The following SGK1 variants were observed in gnomAD, a reference collection of about 807,000 sequenced individuals.
SGK1 encodes serum/glucocorticoid regulated kinase 1.
Under a neutral mutation model 64.2 loss-of-function variants are expected in SGK1, and 26 were observed. The observed-to-expected ratio is 0.40, with a 90% CI of 0.30 to 0.56. The LOEUF is 0.56. Among genes scored for constraint, SGK1 ranks in the 20% least tolerant of loss-of-function variants. The pLI is 0.38. For synonymous variants in SGK1, 265 were observed against 239.7 expected (o/e 1.11, Z -0.98); for missense variants, 519 against 645.6 (o/e 0.80, Z 2.12).
chr6:134,218,142 G>T (rs1187647124), intron 2 of SGK1, among the ~76,000 whole-genome samples: 1 of 152,174 alleles, frequency 6.6e-6, no homozygotes, highest in African/African-American at 2.4e-5. Flanking sequence ...TTCCCCCCTT[G>T]CATTATGGTT....
chr6:134,238,883 G>A (rs1743940), intron 2 of SGK1, among the ~76,000 whole-genome samples: 115,580 of 152,150 alleles, frequency 0.76, 44,438 homozygotes, highest in South Asian at 0.91. Context: ...GAATTAGATC[G>A]TCTCAGACGG....
At chr6:134,222,489 C>A (rs1478474010) in intron 2 of SGK1, among the ~76,000 whole-genome samples, 5 of 152,076 alleles carry the variant, frequency 3.3e-5, no homozygotes, top group Non-Finnish European at 7.4e-5. Flanking sequence ...GCGCCCACCA[C>A]CACGCCTGGC....
intron 1 of SGK1, among the ~76,000 whole-genome samples, chr6:134,314,869 C>G (rs1452775255): frequency 6.7e-6 from 1 of 148,582 alleles, no homozygotes; most frequent in East Asian, 2.0e-4. Context: ...GTAAGACTGT[C>G]TAGCTAGGTT....
chr6:134,220,861 A>T (rs775501806), intron 2 of SGK1, among the ~76,000 whole-genome samples: 13 of 151,914 alleles, frequency 8.6e-5, no homozygotes, highest in Non-Finnish European at 1.6e-4. Context: ...CCACGCCTGT[A>T]GTTTCGGCTA....
At chr6:134,175,423 G>A (rs955098117) in intron 3 of SGK1, 42 of 1,309,702 alleles carry the variant, frequency 3.2e-5, no homozygotes, top group Non-Finnish European at 4.0e-5. Flanking sequence ...CGCCCGCCAG[G>A]TCCTCCCGTT....
chr6:134,308,281 G>A (rs770157346), intron 1 of SGK1, among the ~76,000 whole-genome samples: 13 of 152,110 alleles, frequency 8.5e-5, no homozygotes, highest in East Asian at 3.8e-4. Flanking sequence ...TACATATTCC[G>A]ATTTATTTTT....
chr6:134,172,604 G>T, intron 9 of SGK1, 58 bp downstream of exon 9: 3 of 1,119,796 alleles, frequency 2.7e-6, no homozygotes, highest in Non-Finnish European at 2.7e-6. Flanking sequence ...CTATGAAACA[G>T]CCAGTGCTAC....
At chr6:134,174,161 T>A in intron 4 of SGK1, 81 bp from the exon 5 acceptor site, 1 of 915,024 alleles carries the variant, frequency 1.1e-6, no homozygotes, top group Non-Finnish European at 1.7e-6. Flanking sequence ...TTTCTGGCTC[T>A]ACCGACTTCT....
At chr6:134,186,607 T>C (rs1316927938) in intron 3 of SGK1, among the ~76,000 whole-genome samples, 1 of 152,198 alleles carries the variant, frequency 6.6e-6, no homozygotes, top group African/African-American at 2.4e-5. Flanking sequence ...CCATTCTATA[T>C]TTCCTTTACC....
intron 1 of SGK1, among the ~76,000 whole-genome samples, chr6:134,313,738 T>G (rs1034024341): frequency 6.6e-6 from 1 of 152,144 alleles, no homozygotes; most frequent in African/African-American, 2.4e-5. Flanking sequence ...CCTTTCGAAT[T>G]TTACAAAAGG....
chr6:134,265,608 TTATATATATACATATATATATATACA>T (rs1489568264), intron 1 of SGK1, among the ~76,000 whole-genome samples: 1 of 140,866 alleles, frequency 7.1e-6, no homozygotes, highest in East Asian at 2.0e-4. Flanking sequence ...CATATATATT[TTATATATATACATATATATATATACA>T]TATATATATA....
At chr6:134,187,992 C>A (rs560920880) in intron 3 of SGK1, among the ~76,000 whole-genome samples, 1 of 152,308 alleles carries the variant, frequency 6.6e-6, no homozygotes, top group Admixed American at 6.5e-5. Flanking sequence ...GTGGCTGTAG[C>A]CAGGTTGGCC....
intron 3 of SGK1, among the ~76,000 whole-genome samples, chr6:134,197,117 C>T (rs915731439): frequency 6.6e-6 from 1 of 152,062 alleles, no homozygotes; most frequent in African/African-American, 2.4e-5. Context: ...CCTGTAGTCC[C>T]AGCTACTTGG....
At chr6:134,259,922 A>G (rs1202681853) in intron 2 of SGK1, 1 of 152,230 alleles carries the variant, frequency 6.6e-6, no homozygotes, top group African/African-American at 2.4e-5. Context: ...GAAGTCTAAT[A>G]TAGTGTTACA....
intron 2 of SGK1, among the ~76,000 whole-genome samples, chr6:134,252,616 CA>C (rs11418007): frequency 1.5e-5 from 1 of 65,998 alleles, no homozygotes; most frequent in Non-Finnish European, 2.5e-5. Context: ...GATTCCACCT[CA>C]AAAAAAAAAA....
intron 1 of SGK1, among the ~76,000 whole-genome samples, chr6:134,292,134 T>C (rs919050321): frequency 6.6e-6 from 1 of 152,010 alleles, no homozygotes; most frequent in African/African-American, 2.4e-5. Flanking sequence ...CAACAAATCA[T>C]TTTGTAGAAA....
intron 1 of SGK1, among the ~76,000 whole-genome samples, chr6:134,272,248 C>A (rs1252066199): frequency 6.9e-6 from 1 of 144,638 alleles, no homozygotes; most frequent in Non-Finnish European, 1.5e-5. Context: ...TCAAGGAATT[C>A]TCCTGCCTCA....
intron 3 of SGK1, among the ~76,000 whole-genome samples, chr6:134,187,835 G>A (rs748911226): frequency 6.6e-6 from 1 of 152,220 alleles, no homozygotes; most frequent in Non-Finnish European, 1.5e-5. Context: ...GTCTACTGCA[G>A]TAAGGACAAA....
chr6:134,274,787 GTCTTTTCTTTTCTTT>G (rs142632426), intron 1 of SGK1, among the ~76,000 whole-genome samples: 25 of 150,100 alleles, frequency 1.7e-4, no homozygotes, highest in South Asian at 6.3e-4. Flanking sequence ...TGCCCTTTTA[GTCTTTTCTTTTCTTT>G]TCTTTTCTTT....
Sources: allele counts gnomAD v4.1 joint callset (sites outside exome capture counted in the v4.1 genomes callset), GRCh38; gene constraint gnomAD v4.1.1; transcripts MANE v1.5; gene names NCBI Gene and HGNC (gene_info 2026-07-23, HGNC 2026-07-21).